PFKFB3: variants seen among roughly 807,000 people sequenced by gnomAD.
The protein encoded by PFKFB3 is 6-phosphofructo-2-kinase/fructose-2,6-bisphosphatase 3.
Under a neutral mutation model 68.0 loss-of-function variants are expected in PFKFB3, and 33 were observed. The observed-to-expected ratio is 0.49, with a 90% CI of 0.37 to 0.65. The LOEUF is 0.65. PFKFB3 is among the 30% of genes least tolerant of loss of function. The pLI is 0.00. For synonymous variants in PFKFB3, 315 were observed against 288.2 expected, an observed-to-expected ratio of 1.09 and a Z score of -0.94; for missense variants, 586 against 712.2, an observed-to-expected ratio of 0.82 and a Z score of 2.02.
Position 6,215,331 on chromosome 10 carries a change from G to A in PFKFB3, c.299+14G>A, listed in dbSNP as rs537750982. ...GAAAGTCCGGAAGTAAGGCTGGGCC[G>A]CGGGCGTAGGGCTGGGCTGTGGGAA... On this transcript the variant is annotated intron_variant, in intron 3 of 14. Transcript: ENST00000379775. This position sits in a 1 kb window ranked among gnomAD's most constrained non-coding sequence, Gnocchi z 4.3. The A allele has an allele frequency of 1.0e-5, 16 of 1,599,560 alleles. No individual in the cohort carries two copies. Among genetic ancestry groups the A allele is most frequent in the South Asian group, 3.3e-5 (3 of 90,670 alleles).
Position 6,221,706 on chromosome 10 carries a change from G to T in PFKFB3, c.1044G>T (p.Arg348=). Residue 348 remains arginine (R), a synonymous_variant, in exon 10 of 15, where the codon CGG becomes CGT. Coordinates refer to ENST00000379775, the MANE Select transcript of PFKFB3 (RefSeq NM_004566.4). ...CCTACCCTGAGGAGTATGCGCTGCG[G>T]GAGCAGGACAAGTACTATTACCGCT... ...RDTYPEEYAL[R]EQDKYYYRYP... 6.2e-7 allele frequency: 1 copy of T among 1,608,930 alleles called. No individual in the cohort carries two copies. The highest frequency in any genetic ancestry group is 1.1e-5 in the South Asian group (1 of 89,954).
exon 15 of PFKFB3, chr10:6,254,240 G>A (rs1846452193): frequency 2.5e-6 from 1 of 398,592 alleles, no homozygotes; most frequent in Admixed American, 4.4e-5. Flanking sequence ...CTGAAGGGCA[G>A]AGCATTCTCT....
chr10:6,234,614 C>T lies in PFKFB3; in HGVS notation c.*1672C>T, dbSNP rs1424028926. ...GGCTCGCGCAGTTTTCTCTCTCTCC[C>T]TGGATGTTGAGTCTCATCAGAATAT... is the stretch of plus-strand genomic sequence containing the variant. On this transcript the variant is annotated 3_prime_UTR_variant, in exon 15 of 15. Transcript: ENST00000379775. The T allele has an allele frequency of 6.6e-6, 1 of 152,240 alleles. No individual in the cohort carries two copies. Among genetic ancestry groups the T allele is most frequent in the African/African-American group, 2.4e-5 (1 of 41,416 alleles). The allele number at this position is 152,240 out of a possible 1,614,324, so 9.4% of individuals were successfully genotyped here. A position where few individuals can be genotyped will look rare whatever the true frequency, so the allele number is the denominator to read the frequency against.
downstream of PFKFB3, among the ~76,000 whole-genome samples, chr10:6,239,493 G>T (rs1176485900): frequency 2.0e-5 from 3 of 152,186 alleles, no homozygotes; most frequent in Non-Finnish European, 2.9e-5. Context: ...TGTCCCTGGG[G>T]CTGTGGAGAG....
At chr10:6,326,455 G>A in the PFKFB3 span, 1 of 431,050 alleles carries the variant, frequency 2.3e-6, no homozygotes, top group South Asian at 1.6e-5. Flanking sequence ...AATAAAAATA[G>A]AAAAGAATGA....
At chr10:6,238,614 A>G (rs932733494), downstream of PFKFB3, among the ~76,000 whole-genome samples, 6 of 151,164 alleles carry the variant, frequency 4.0e-5, no homozygotes, top group African/African-American at 1.5e-4. Flanking sequence ...TAGACTTGTT[A>G]AATAGGTAAA....
intron 1 of PFKFB3, among the ~76,000 whole-genome samples, chr10:6,171,108 C>T (rs952622866): frequency 2.0e-5 from 3 of 152,074 alleles, no homozygotes; most frequent in Non-Finnish European, 2.9e-5. Flanking sequence ...GGTGCAATGG[C>T]GTGTTCTTGG....
chr10:6,317,879 G>A, the PFKFB3 span, among the ~76,000 whole-genome samples: 1 of 152,198 alleles, frequency 6.6e-6, no homozygotes, highest in Non-Finnish European at 1.5e-5. Context: ...CAAAGACTGC[G>A]TATTCTCAGT....
intron 1 of PFKFB3, among the ~76,000 whole-genome samples, chr10:6,191,332 G>A (rs533129238): frequency 8.5e-5 from 13 of 152,192 alleles, no homozygotes; most frequent in Admixed American, 2.0e-4. Flanking sequence ...CTCAAGACCC[G>A]TTGCGTGCCA....
intron 1 of PFKFB3, among the ~76,000 whole-genome samples, chr10:6,181,016 C>T (rs962507610): frequency 1.3e-5 from 2 of 152,016 alleles, no homozygotes; most frequent in African/African-American, 2.4e-5. Flanking sequence ...ATTTTATTTT[C>T]ATTTGTAATT....
intron 1 of PFKFB3, among the ~76,000 whole-genome samples, chr10:6,179,062 C>T (rs1460191638): frequency 6.6e-6 from 1 of 152,238 alleles, no homozygotes; most frequent in Non-Finnish European, 1.5e-5. Flanking sequence ...TCAAAGTGCC[C>T]AACACGTGCC....
chr10:6,172,677 C>G (rs896582254), intron 1 of PFKFB3, among the ~76,000 whole-genome samples: 1 of 152,046 alleles, frequency 6.6e-6, no homozygotes, highest in African/African-American at 2.4e-5. Flanking sequence ...AAAACATTAG[C>G]TGGGTGTGGT....
chr10:6,218,293 C>T (rs1025057017), intron 6 of PFKFB3, among the ~76,000 whole-genome samples: 5 of 151,948 alleles, frequency 3.3e-5, no homozygotes, highest in Middle Eastern at 3.4e-3. Flanking sequence ...TCAGAAATCT[C>T]TTTCTGATGA....
At position 6,192,851 on chromosome 10, in the gene PFKFB3, A is replaced by AC. The variant is rs113690149; in HGVS notation, c.17-20770dup. 7.0e-3 allele frequency among the ~76,000 whole-genome samples: 1,059 copies of AC among 152,200 alleles called. 20 individuals carry two copies. Among genetic ancestry groups the AC allele is most frequent in the African/African-American group, 0.024 (1,010 of 41,502 alleles). ...AAAGTGCTCATCCAGGGATTGGTTG[A>AC]CCTAATACTTTATAGTTTTTCCAAA... On this transcript the variant is annotated intron_variant, in intron 1 of 14. Transcript: ENST00000379789.
the PFKFB3 span, among the ~76,000 whole-genome samples, chr10:6,266,780 A>T: frequency 6.6e-6 from 1 of 152,232 alleles, no homozygotes; most frequent in Non-Finnish European, 1.5e-5. Context: ...AGTATTTCAA[A>T]ACAGCAACAG....
chr10:6,324,285 TGGTGGTTACCAG>T, the PFKFB3 span, among the ~76,000 whole-genome samples: 13 of 152,312 alleles, frequency 8.5e-5, no homozygotes, highest in African/African-American at 2.9e-4. Context: ...GAAGGTAGTA[TGGTGGTTACCAG>T]GGCCAAGCTG....
rs757173532 is a variant in PFKFB3 at position 6,221,705 on chromosome 10, G to A, written c.1043G>A (p.Arg348Gln). The A allele has an allele frequency of 9.3e-6, 15 of 1,608,882 alleles. No individual in the cohort carries two copies. In the Admixed American group the frequency reaches 1.5e-4, roughly 16 times the overall value. The change falls in exon 10 of 15, where the codon CGG becomes CAG. Residue 348 changes from arginine to glutamine, a missense_variant. By Grantham distance (43) the Arg-to-Gln change is conservative. Transcript: ENST00000379775. ...ACCTACCCTGAGGAGTATGCGCTGC[G>A]GGAGCAGGACAAGTACTATTACCGC... The part of the protein sequence containing the change: ...RDTYPEEYAL[R>Q]EQDKYYYRYP...
At chr10:6,216,309 GC>G in intron 4 of PFKFB3, 118 bp downstream of exon 4, 2 of 981,394 alleles carry the variant, frequency 2.0e-6, no homozygotes, top group Non-Finnish European at 3.3e-6. Flanking sequence ...AAAGCAGGTG[GC>G]CAGGGCAGCC....
At chr10:6,243,107 A>G (rs1588563619) in intron 14 of PFKFB3, among the ~76,000 whole-genome samples, 1 of 152,222 alleles carries the variant, frequency 6.6e-6, no homozygotes, top group Admixed American at 6.5e-5. Flanking sequence ...TACCAGAGCT[A>G]ACGTCTAATT....
Sources: gnomAD v4.1 joint callset for allele counts (sites outside exome capture counted in the v4.1 genomes callset) on GRCh38, gnomAD v4.1.1 for gene constraint, Gnocchi (gnomAD v3.1) non-coding constraint, MANE v1.5 for transcripts, NCBI Gene and HGNC (gene_info 2026-07-23, HGNC 2026-07-21) for gene names.